The following BBS9 variants were observed in gnomAD, a reference collection of about 807,000 sequenced individuals.
The protein encoded by BBS9 is Bardet-Biedl syndrome 9.
A neutral mutation model predicts 117.7 loss-of-function variants in BBS9; 89 were observed. The observed-to-expected ratio is 0.76, with a 90% confidence interval of 0.64 to 0.90. The LOEUF is 0.90. BBS9 is among the 40% of genes least tolerant of loss of function. BBS9 has a pLI of 0.00. For missense variants in BBS9, 982 were observed against 1,042.2 expected, an observed-to-expected ratio of 0.94 and a Z score of 0.80; for synonymous variants, 379 against 370.9, an observed-to-expected ratio of 1.02 and a Z score of -0.25.
At chr7:33,418,324 T>C (rs1344237225) in intron 19 of BBS9, among the ~76,000 whole-genome samples, 1 of 152,174 alleles carries the variant, frequency 6.6e-6, no homozygotes. Context: ...AGGCTTCTGG[T>C]CAGCGGAAGA....
intron 12 of BBS9, chr7:33,346,415 T>C (rs1262102758): frequency 3.9e-6 from 1 of 254,646 alleles, no homozygotes; most frequent in African/African-American, 2.3e-5. Flanking sequence ...TATTTATATA[T>C]CTAGGATAAA....
At chr7:33,417,996 G>A (rs1472598363) in intron 19 of BBS9, among the ~76,000 whole-genome samples, 2 of 152,142 alleles carry the variant, frequency 1.3e-5, no homozygotes, top group Non-Finnish European at 2.9e-5. Context: ...GGTTCTTTGA[G>A]GACAGGGACC....
intron 21 of BBS9, among the ~76,000 whole-genome samples, chr7:33,568,038 C>T (rs116410253): frequency 0.017 from 2,593 of 152,270 alleles, 77 homozygotes; most frequent in African/African-American, 0.059. Flanking sequence ...CTTCAGAACA[C>T]ATAGAAAGAA....
intron 17 of BBS9, among the ~76,000 whole-genome samples, chr7:33,370,537 G>C (rs10245418): frequency 0.028 from 4,311 of 152,132 alleles, 245 homozygotes; most frequent in East Asian, 0.27. Context: ...TGTTATCACA[G>C]TCCTAAATTA....
intron 9 of BBS9, among the ~76,000 whole-genome samples, chr7:33,313,439 T>C (rs1809750872): frequency 6.6e-6 from 1 of 152,226 alleles, no homozygotes; most frequent in Non-Finnish European, 1.5e-5. Flanking sequence ...TACATCATTT[T>C]CTTTTTTTCT....
At chr7:33,209,785 T>C (rs977480096) in intron 5 of BBS9, among the ~76,000 whole-genome samples, 1 of 152,154 alleles carries the variant, frequency 6.6e-6, no homozygotes, top group Non-Finnish European at 1.5e-5. Flanking sequence ...CTTTTCTCTT[T>C]TTTTATTACT....
rs1004497747 is a variant in BBS9 at position 33,349,174 on chromosome 7, A to C, written c.1432+4A>C. ...CAGTTCACCTTTGAATTTATGAGTA[A>C]GTTTTTTGTTTTGGCTGAAAGTCTA... On this transcript the variant is annotated splice_donor_region_variant and intron_variant, in intron 13 of 22. Coordinates refer to ENST00000242067, the MANE Select transcript of BBS9 (RefSeq NM_198428.3). 1.5e-5 allele frequency: 24 copies of C among 1,602,488 alleles called. No homozygotes were observed. Among genetic ancestry groups the C allele is most frequent in the African/African-American group, 1.3e-5 (1 of 74,678 alleles).
chr7:33,457,589 T>C (rs148157516), intron 19 of BBS9, among the ~76,000 whole-genome samples: 3 of 152,322 alleles, frequency 2.0e-5, no homozygotes, highest in East Asian at 3.9e-4. Flanking sequence ...TGGAATAAGA[T>C]ATAATTTACA....
At chr7:33,237,218 G>C (rs546952383) in intron 5 of BBS9, among the ~76,000 whole-genome samples, 1 of 152,136 alleles carries the variant, frequency 6.6e-6, no homozygotes, top group Non-Finnish European at 1.5e-5. Context: ...AAACATATTT[G>C]GTTCTGTTTT....
chr7:33,513,888 C>T (rs1411079889), intron 20 of BBS9, among the ~76,000 whole-genome samples: 1 of 152,124 alleles, frequency 6.6e-6, no homozygotes, highest in East Asian at 1.9e-4. Flanking sequence ...AATCGACATA[C>T]CCACTTATTT....
intron 19 of BBS9, among the ~76,000 whole-genome samples, chr7:33,441,774 C>A (rs1459523721): frequency 1.3e-5 from 2 of 152,098 alleles, no homozygotes; most frequent in African/African-American, 4.8e-5. Flanking sequence ...ATTATGAGGA[C>A]TTGGACTCTT....
rs529136101 is a variant in BBS9 at position 33,487,849 on chromosome 7, C to A, written c.2116-17614C>A. On this transcript the variant is annotated intron_variant, in intron 19 of 22. Transcript: ENST00000242067. ...AGGCTCATAGCTCTCTTTCCACATG[C>A]CCTTCTTGTCTCTTTTAACATAAAA... Among the ~76,000 whole-genome samples the A allele has an allele frequency of 2.4e-4, 37 of 152,266 alleles. 1 individual carries two copies. In the South Asian group the frequency reaches 6.0e-3, roughly 25 times the overall value.
chr7:33,387,101 A>G (rs150807958), intron 18 of BBS9, among the ~76,000 whole-genome samples: 1,659 of 152,262 alleles, frequency 0.011, 17 homozygotes, highest in South Asian at 0.039. Context: ...AGTCTTCCTT[A>G]TTTAACCAGT....
At chr7:33,347,947 C>T (rs1300511646) in intron 12 of BBS9, among the ~76,000 whole-genome samples, 1 of 151,744 alleles carries the variant, frequency 6.6e-6, no homozygotes, top group Non-Finnish European at 1.5e-5. Context: ...TTTTTTTTCT[C>T]ATGACATACG....
intron 20 of BBS9, among the ~76,000 whole-genome samples, chr7:33,507,344 G>A (rs933512021): frequency 2.6e-5 from 4 of 152,036 alleles, no homozygotes; most frequent in African/African-American, 9.7e-5. Flanking sequence ...GGGTTCAAGC[G>A]AATCTCCTGC....
At chr7:33,366,608 G>A (rs1179038394) in intron 16 of BBS9, among the ~76,000 whole-genome samples, 6 of 129,320 alleles carry the variant, frequency 4.6e-5, no homozygotes, top group Non-Finnish European at 1.6e-5. Flanking sequence ...GCAGTGGCAC[G>A]ATCTCGGCTC....
At chr7:33,396,629 T>G (rs1828018163) in intron 19 of BBS9, among the ~76,000 whole-genome samples, 1 of 152,176 alleles carries the variant, frequency 6.6e-6, no homozygotes, top group African/African-American at 2.4e-5. Context: ...ACCATTGACA[T>G]TCTTCACAGA....
At chr7:33,359,166 T>C (rs2128690997) in intron 16 of BBS9, among the ~76,000 whole-genome samples, 1 of 151,966 alleles carries the variant, frequency 6.6e-6, no homozygotes, top group East Asian at 1.9e-4. Context: ...TTTTGTAACA[T>C]CTTGTATAAA....
chr7:33,552,175 G>T (rs959323582), intron 21 of BBS9, among the ~76,000 whole-genome samples: 1 of 152,062 alleles, frequency 6.6e-6, no homozygotes, highest in Non-Finnish European at 1.5e-5. Context: ...ATGAGCCACT[G>T]TTAGATGTCC....
Sources: allele counts gnomAD v4.1 joint callset (sites outside exome capture counted in the v4.1 genomes callset), GRCh38; gene constraint gnomAD v4.1.1; transcripts MANE v1.5; gene names NCBI Gene and HGNC (gene_info 2026-07-23, HGNC 2026-07-21).